The following RANBP2 variants were observed in gnomAD, a reference collection of about 807,000 sequenced individuals.
RANBP2 encodes the protein RAN binding protein 2.
A neutral mutation model predicts 303.6 loss-of-function variants in RANBP2; 57 were observed. The observed-to-expected ratio is 0.19, with a 90% CI of 0.15 to 0.23. The LOEUF is 0.23. Among genes scored for constraint, RANBP2 ranks in the 10% least tolerant of loss-of-function variants. The pLI, the probability that RANBP2 is intolerant of heterozygous loss-of-function variation, is 1.00. For synonymous variants in RANBP2, 1,167 were observed against 1,301.5 expected, an observed-to-expected ratio of 0.90 and a Z score of 2.23; for missense variants, 3,138 against 3,780.8, an observed-to-expected ratio of 0.83 and a Z score of 4.46.
the RANBP2 span, among the ~76,000 whole-genome samples, chr2:109,393,290 G>A: frequency 6.6e-6 from 1 of 152,220 alleles, no homozygotes; most frequent in African/African-American, 2.4e-5. Context: ...TCTCAGGGAG[G>A]GTGCTGCCAT....
the RANBP2 span, among the ~76,000 whole-genome samples, chr2:108,827,890 T>G: frequency 6.6e-6 from 1 of 151,822 alleles, no homozygotes; most frequent in South Asian, 2.1e-4. Flanking sequence ...TGAAAAAAAT[T>G]CATCAGAGAT....
chr2:109,630,764 T>C, the RANBP2 span, among the ~76,000 whole-genome samples: 4 of 152,132 alleles, frequency 2.6e-5, 1 homozygote, highest in Non-Finnish European at 5.9e-5. Context: ...AGTATGAGTA[T>C]AGAAAGTTTT....
At chr2:108,976,688 G>C in the RANBP2 span, among the ~76,000 whole-genome samples, 4 of 152,130 alleles carry the variant, frequency 2.6e-5, no homozygotes, top group East Asian at 5.8e-4. Flanking sequence ...TTAAACTCTG[G>C]GTTATAACCC....
At chr2:109,761,895 G>A in the RANBP2 span, among the ~76,000 whole-genome samples, 3 of 151,646 alleles carry the variant, frequency 2.0e-5, no homozygotes, top group Admixed American at 2.0e-4. Flanking sequence ...AAAACTGCAT[G>A]TGGTGTGCAC....
intron 12 of RANBP2, among the ~76,000 whole-genome samples, chr2:108,752,629 AAAAAAAAG>A (rs1269627049): frequency 1.0e-4 from 15 of 143,786 alleles, no homozygotes; most frequent in Admixed American, 2.7e-4. Flanking sequence ...AAAAAAAAAA[AAAAAAAAG>A]AAAAAATTAG....
At chr2:109,353,645 G>T in the RANBP2 span, among the ~76,000 whole-genome samples, 393 of 152,294 alleles carry the variant, frequency 2.6e-3, 2 homozygotes, top group African/African-American at 9.1e-3. Flanking sequence ...CAGGCTTCTT[G>T]GTCCATTCCT....
the RANBP2 span, among the ~76,000 whole-genome samples, chr2:109,580,854 C>T: frequency 6.6e-6 from 1 of 152,184 alleles, no homozygotes; most frequent in South Asian, 2.1e-4. Context: ...GTGTCCCGGG[C>T]AGAGCGCAAA....
At chr2:109,196,870 A>G in the RANBP2 span, among the ~76,000 whole-genome samples, 1 of 152,162 alleles carries the variant, frequency 6.6e-6, no homozygotes, top group Non-Finnish European at 1.5e-5. Flanking sequence ...GTGGGCCTAG[A>G]TGGACTTCCT....
At chr2:109,545,953 G>A in the RANBP2 span, 2 of 1,476,544 alleles carry the variant, frequency 1.4e-6, no homozygotes, top group South Asian at 1.4e-5. Flanking sequence ...GGAAGACAAA[G>A]CATAAGGAAG....
the RANBP2 span, chr2:109,605,335 T>C: frequency 6.6e-6 from 1 of 152,200 alleles, no homozygotes; most frequent in Admixed American, 6.6e-5. Flanking sequence ...CCAGGCATGG[T>C]GGCAGGTGCC....
chr2:109,468,768 C>T, the RANBP2 span, among the ~76,000 whole-genome samples: 155 of 149,064 alleles, frequency 1.0e-3, 1 homozygote, highest in African/African-American at 3.8e-3. Context: ...GCAGGTTAAT[C>T]GCTTGAGCCT....
the RANBP2 span, among the ~76,000 whole-genome samples, chr2:109,439,701 A>C: frequency 6.6e-6 from 1 of 152,164 alleles, no homozygotes; most frequent in African/African-American, 2.4e-5. Context: ...TAGCAGGAGT[A>C]AGAGCCCAGC....
At chr2:109,254,524 T>C in the RANBP2 span, among the ~76,000 whole-genome samples, 4 of 152,220 alleles carry the variant, frequency 2.6e-5, no homozygotes, top group South Asian at 8.3e-4. Flanking sequence ...ACTGAGCTGA[T>C]GTACCTGGGT....
chr2:108,934,606 C>G, the RANBP2 span, among the ~76,000 whole-genome samples: 1 of 152,162 alleles, frequency 6.6e-6, no homozygotes, highest in African/African-American at 2.4e-5. Context: ...CCAAGAGCGA[C>G]TGGCTGCATC....
At chr2:109,013,073 A>T in the RANBP2 span, among the ~76,000 whole-genome samples, 272 of 152,320 alleles carry the variant, frequency 1.8e-3, 1 homozygote, top group Middle Eastern at 3.4e-3. Flanking sequence ...CTTATTTAAG[A>T]TTTTGCAGAA....
the RANBP2 span, among the ~76,000 whole-genome samples, chr2:109,570,580 A>C: frequency 2.0e-5 from 3 of 151,310 alleles, no homozygotes; most frequent in Non-Finnish European, 4.4e-5. Context: ...GCTGGAGTGC[A>C]GTGGCGTGAT....
the RANBP2 span, among the ~76,000 whole-genome samples, chr2:109,422,094 G>A: frequency 1.3e-5 from 2 of 152,326 alleles, no homozygotes; most frequent in Middle Eastern, 3.4e-3. Context: ...TACCCGGGGT[G>A]GGGGTCTGAT....
At chr2:109,457,412 T>C in the RANBP2 span, among the ~76,000 whole-genome samples, 1 of 152,244 alleles carries the variant, frequency 6.6e-6, no homozygotes, top group Non-Finnish European at 1.5e-5. Context: ...AAATGCATTT[T>C]TAAAATAGTA....
the RANBP2 span, among the ~76,000 whole-genome samples, chr2:109,279,830 G>A: frequency 6.6e-6 from 1 of 152,158 alleles, no homozygotes; most frequent in African/African-American, 2.4e-5. Context: ...TCAGGAGTGT[G>A]GGGGCTGGTG....
Sources: gnomAD v4.1 joint callset for allele counts (sites outside exome capture counted in the v4.1 genomes callset) on GRCh38, gnomAD v4.1.1 for gene constraint, MANE v1.5 for transcripts, NCBI Gene and HGNC (gene_info 2026-07-23, HGNC 2026-07-21) for gene names.